Variants in FHOD3 observed in about 807,000 individuals in gnomAD.
The protein encoded by FHOD3 is FH1/FH2 domain-containing protein 3.
Under a neutral mutation model 173.0 loss-of-function variants are expected in FHOD3, and 90 were observed. The ratio of observed to expected loss-of-function variants is 0.52; its 90% CI spans 0.44 to 0.62. FHOD3 has a LOEUF of 0.62. Ranked by LOEUF, FHOD3 falls within the 20% of genes least tolerant of loss-of-function variation. The pLI is 0.00. For synonymous variants in FHOD3, 828 were observed against 823.0 expected (o/e 1.01, Z -0.10); for missense variants, 1,945 against 2,034.7 (o/e 0.96, Z 0.85).
chr18:36,335,077 T>C (rs1250382310), intron 1 of FHOD3, among the ~76,000 whole-genome samples: 2 of 152,232 alleles, frequency 1.3e-5, no homozygotes, highest in African/African-American at 4.8e-5. Context: ...TGGATGCACA[T>C]GGCAGTCGCC....
intron 10 of FHOD3, among the ~76,000 whole-genome samples, chr18:36,631,340 A>G (rs939852190): frequency 6.6e-6 from 1 of 152,230 alleles, no homozygotes; most frequent in African/African-American, 2.4e-5. Context: ...CAGCTCTCCC[A>G]AAATAGCTAT....
chr18:36,363,496 G>C (rs1198889396), intron 2 of FHOD3, among the ~76,000 whole-genome samples: 1 of 152,298 alleles, frequency 6.6e-6, no homozygotes, highest in East Asian at 1.9e-4. Flanking sequence ...AGCTAGAAAA[G>C]ACATGGGGGA....
intron 3 of FHOD3, among the ~76,000 whole-genome samples, chr18:36,457,672 C>T (rs1163889141): frequency 6.6e-6 from 1 of 152,152 alleles, no homozygotes; most frequent in Non-Finnish European, 1.5e-5. Flanking sequence ...GCAGCTGTAA[C>T]AGGTGAAGAG....
At chr18:36,467,925 G>GTTAA (rs2053041880) in intron 3 of FHOD3, among the ~76,000 whole-genome samples, 1 of 152,210 alleles carries the variant, frequency 6.6e-6, no homozygotes, top group African/African-American at 2.4e-5. Flanking sequence ...CTCGAGAAGT[G>GTTAA]GGTCCAAATG....
chr18:36,433,858 A>G (rs1301751909), intron 3 of FHOD3, among the ~76,000 whole-genome samples: 1 of 152,196 alleles, frequency 6.6e-6, no homozygotes, highest in Non-Finnish European at 1.5e-5. Context: ...TATACTTTAC[A>G]TTCAGAAAAA....
At chr18:36,712,059 T>G (rs1055839017) in intron 18 of FHOD3, among the ~76,000 whole-genome samples, 3 of 152,202 alleles carry the variant, frequency 2.0e-5, no homozygotes, top group African/African-American at 7.2e-5. Flanking sequence ...GAGTCAGCGC[T>G]CTTGCTGGGG....
intron 15 of FHOD3, among the ~76,000 whole-genome samples, chr18:36,682,574 TTTTTG>T (rs374176159): frequency 7.9e-5 from 12 of 152,098 alleles, no homozygotes; most frequent in African/African-American, 7.2e-5. Flanking sequence ...TAATAACGTG[TTTTTG>T]TTTTGTTTTG....
intron 9 of FHOD3, among the ~76,000 whole-genome samples, chr18:36,612,703 A>G (rs2032812812): frequency 6.6e-6 from 1 of 152,228 alleles, no homozygotes. Context: ...ATTCATCTTT[A>G]TATTATGAAG....
chr18:36,754,972 TTTCTTTATTA>T (rs1320607976), intron 24 of FHOD3, 137 bp from the exon 25 acceptor site: 29 of 183,516 alleles, frequency 1.6e-4, no homozygotes, highest in African/African-American at 7.9e-4. Context: ...GGCTTGTTGG[TTTCTTTATTA>T]TTATTATTAT....
intron 3 of FHOD3, among the ~76,000 whole-genome samples, chr18:36,474,789 A>G (rs1326273246): frequency 6.6e-6 from 1 of 152,078 alleles, no homozygotes; most frequent in Admixed American, 6.5e-5. Flanking sequence ...CAGAGCCAAG[A>G]AGCCCCTTGG....
intron 17 of FHOD3, among the ~76,000 whole-genome samples, chr18:36,695,770 T>C (rs1378096016): frequency 6.6e-6 from 1 of 152,232 alleles, no homozygotes; most frequent in Non-Finnish European, 1.5e-5. Context: ...AAATGCAAAG[T>C]TGGTGTCACC....
chr18:36,363,732 A>G lies in FHOD3; in HGVS notation c.272+8087A>G, dbSNP rs375015442. ...TGTATTTTATTGTAATGTTGGATCC[A>G]GAACGTTATGTATTTGTGAGAACTC... On this transcript the variant is annotated intron_variant, in intron 2 of 28. Coordinates refer to ENST00000590592, the MANE Select transcript of FHOD3 (RefSeq NM_001281740.3). 3.0e-3 allele frequency among the ~76,000 whole-genome samples: 457 copies of G among 152,322 alleles called. 5 individuals carry two copies. The highest frequency in any genetic ancestry group is 0.01 in the African/African-American group (436 of 41,574).
intron 7 of FHOD3, among the ~76,000 whole-genome samples, chr18:36,598,651 C>T (rs550041042): frequency 1.3e-5 from 2 of 151,990 alleles, no homozygotes; most frequent in African/African-American, 2.4e-5. Context: ...CTCTGCGTTA[C>T]GCCATTCTTC....
intron 3 of FHOD3, among the ~76,000 whole-genome samples, chr18:36,463,352 T>C (rs2052680480): frequency 6.8e-6 from 1 of 146,924 alleles, no homozygotes; most frequent in Admixed American, 6.8e-5. Context: ...AATATATATT[T>C]TTATTTAAAA....
intron 1 of FHOD3, among the ~76,000 whole-genome samples, chr18:36,332,932 C>T (rs2045099348): frequency 6.6e-6 from 1 of 152,256 alleles, no homozygotes; most frequent in Non-Finnish European, 1.5e-5. Context: ...CTGATTTGAG[C>T]CAGACTCTGC....
In FHOD3 at chr18:36,718,311, G is replaced by T; in HGVS notation, c.3013G>T (p.Asp1005Tyr). 6.2e-7 allele frequency: 1 copy of T among 1,614,112 alleles called. No individual in the cohort carries two copies. Among genetic ancestry groups the T allele is most frequent in the Non-Finnish European group, 8.5e-7 (1 of 1,180,016 alleles). ...TTTCACTGACCTGGGGGAGGAGGATGACATTGATGTCCTAGATGTGGACCT... is the reference window on the plus strand; with the variant it reads ...TTTCACTGACCTGGGGGAGGAGGATTACATTGATGTCCTAGATGTGGACCT... ...MDFTDLGEED[D>Y]IDVLDVDLGH... is the part of the protein sequence containing the mutation. The change falls in exon 19 of 29, where the codon GAC (aspartate) becomes TAC (tyrosine). Residue 1005 changes from aspartate to tyrosine, a missense_variant. Around this residue, in one of 5 missense-constraint regions of FHOD3, gnomAD observed 1,099 missense variants for 1,051.2 expected, o/e 1.05. Coordinates refer to ENST00000590592, the MANE Select transcript of FHOD3 (RefSeq NM_001281740.3).
intron 1 of FHOD3, among the ~76,000 whole-genome samples, chr18:36,333,723 C>T (rs956205886): frequency 2.6e-5 from 4 of 152,132 alleles, no homozygotes; most frequent in Non-Finnish European, 4.4e-5. Context: ...TTGACCCCAC[C>T]GCCACCCCTC....
At chr18:36,704,069 T>TG (rs1244959384) in intron 17 of FHOD3, among the ~76,000 whole-genome samples, 1 of 152,206 alleles carries the variant, frequency 6.6e-6, no homozygotes, top group African/African-American at 2.4e-5. Context: ...GAGGATACCC[T>TG]GGACCCCTTC....
chr18:36,612,184 C>T (rs1006997274), intron 9 of FHOD3, 89 bp downstream of exon 9: 15 of 1,359,960 alleles, frequency 1.1e-5, no homozygotes, highest in Admixed American at 6.4e-5. Flanking sequence ...ACGCGTAAAG[C>T]GTATGAGCAC....
Sources: allele counts gnomAD v4.1 joint callset (sites outside exome capture counted in the v4.1 genomes callset), GRCh38; gene constraint gnomAD v4.1.1; regional missense constraint gnomAD v4.1.1; transcripts MANE v1.5; gene names NCBI Gene and HGNC (gene_info 2026-07-23, HGNC 2026-07-21).